Variants in LPAR3 observed in about 807,000 individuals in gnomAD.
LPAR3 encodes the protein LPA receptor 3.
A neutral mutation model predicts 17.8 loss-of-function variants in LPAR3; 7 were observed. The ratio of observed to expected loss-of-function variants is 0.39; its 90% CI spans 0.22 to 0.74. LPAR3 has a LOEUF of 0.74. Ranked by LOEUF, LPAR3 falls within the 30% of genes least tolerant of loss-of-function variation. The pLI is 0.40. For synonymous variants in LPAR3, 179 were observed against 179.9 expected, an observed-to-expected ratio of 0.99 and a Z score of 0.04; for missense variants, 391 against 453.4, an observed-to-expected ratio of 0.86 and a Z score of 1.25.
intron 2 of LPAR3, among the ~76,000 whole-genome samples, chr1:84,842,217 C>T (rs1184684421): frequency 6.6e-6 from 1 of 152,130 alleles, no homozygotes; most frequent in Non-Finnish European, 1.5e-5. Flanking sequence ...CTTGTTTTTG[C>T]AATCAGAAGT....
Position 84,811,640 on chromosome 1 carries a change from T to C in LPAR3, c.*2206A>G, listed in dbSNP as rs1176133286. 1 of 152,200 alleles carries C rather than the reference T, an allele frequency of 6.6e-6. No individual in the cohort carries two copies. The highest frequency in any genetic ancestry group is 2.4e-5 in the African/African-American group (1 of 41,458). The allele number at this position is 152,200 out of a possible 1,614,324, so 9.4% of individuals were successfully genotyped here. ...AATTTTATTTTATAGGTAGCTTCGA[T>C]AAAAGCTTCAGATAGACCCACATAC... On this transcript the variant is annotated 3_prime_UTR_variant, in exon 3 of 3. Coordinates refer to ENST00000370611, the MANE Select transcript of LPAR3 (RefSeq NM_012152.3).
chr1:84,846,197 A>G (rs1659592697), intron 2 of LPAR3, among the ~76,000 whole-genome samples: 1 of 152,162 alleles, frequency 6.6e-6, no homozygotes, highest in Non-Finnish European at 1.5e-5. Flanking sequence ...TTCTCATGTT[A>G]AAAAAAGCCA....
chr1:84,849,464 T>C (rs376336849), intron 2 of LPAR3, among the ~76,000 whole-genome samples: 5 of 151,482 alleles, frequency 3.3e-5, no homozygotes, highest in Admixed American at 2.6e-4. Flanking sequence ...AACTGAGTCA[T>C]GAGGAAGACT....
intron 2 of LPAR3, among the ~76,000 whole-genome samples, chr1:84,827,520 T>C (rs1659185285): frequency 6.6e-6 from 1 of 151,800 alleles, no homozygotes; most frequent in African/African-American, 2.4e-5. Context: ...CACACCTCTG[T>C]CTTTTCTTGA....
At position 84,872,388 on chromosome 1, in the gene LPAR3, C is replaced by T. The variant is rs147179047; in HGVS notation, c.-18-6250G>A. 1.1e-3 allele frequency among the ~76,000 whole-genome samples: 164 copies of T among 152,226 alleles called. 1 individual carries two copies. The highest frequency in any genetic ancestry group is 3.8e-3 in the African/African-American group (158 of 41,532). Reference sequence around the variant, plus strand: ...GGGTTCCCTACCTCCAGAAAAGCAGCTCACCTGAGCAGACCAGTCAGGGTC... The same window carrying T: ...GGGTTCCCTACCTCCAGAAAAGCAGTTCACCTGAGCAGACCAGTCAGGGTC... On this transcript the variant is annotated intron_variant, in intron 1 of 2. Transcript: ENST00000370611.
At position 84,865,591 on chromosome 1, in the gene LPAR3, G is replaced by C. The variant is rs1280766652; in HGVS notation, c.530C>G (p.Ser177Cys). The C allele has an allele frequency of 1.2e-6, 2 of 1,614,238 alleles. No homozygotes were observed. The highest frequency in any genetic ancestry group is 1.3e-5 in the African/African-American group (1 of 75,062). The stretch of plus-strand genomic sequence containing the variant: ...CCTGCTGTAAATGGGGGCCAGGGAA[G>C]AGCAGGCAGAGATGTTGCAGAGGCA... Reference protein sequence around the residue: ...WNCLCNISACSSLAPIYSRSY... With the variant: ...WNCLCNISACCSLAPIYSRSY... The change falls in exon 2 of 3, where the codon TCT becomes TGT. Residue 177 changes from serine (S) to cysteine (C), a missense_variant. By Grantham distance (112) the Ser-to-Cys change is moderately radical. Transcript: ENST00000370611.
chr1:84,840,946 TACAGAAAC>T (rs1659493182), intron 2 of LPAR3, among the ~76,000 whole-genome samples: 1 of 152,190 alleles, frequency 6.6e-6, no homozygotes, highest in African/African-American at 2.4e-5. Context: ...CCAAAGAAGA[TACAGAAAC>T]ACAGAAAAGT....
chr1:84,877,850 C>T (rs1315501395), intron 1 of LPAR3, among the ~76,000 whole-genome samples: 1 of 152,094 alleles, frequency 6.6e-6, no homozygotes, highest in Admixed American at 6.5e-5. Context: ...CCCCTCATGT[C>T]CAGTACAGTG....
chr1:84,857,651 A>C (rs1215806095), intron 2 of LPAR3, among the ~76,000 whole-genome samples: 1 of 152,248 alleles, frequency 6.6e-6, no homozygotes, highest in African/African-American at 2.4e-5. Flanking sequence ...AATGAACTTT[A>C]TAGAAACCAA....
At chr1:84,844,621 A>G (rs1659563802) in intron 2 of LPAR3, among the ~76,000 whole-genome samples, 1 of 152,224 alleles carries the variant, frequency 6.6e-6, no homozygotes, top group Non-Finnish European at 1.5e-5. Context: ...ATAAAATATC[A>G]TCAATCAGTA....
At chr1:84,881,588 T>C (rs1182905045) in intron 1 of LPAR3, among the ~76,000 whole-genome samples, 1 of 152,162 alleles carries the variant, frequency 6.6e-6, no homozygotes, top group East Asian at 1.9e-4. Context: ...CAAGGAATGG[T>C]GACAAAATCA....
At chr1:84,887,138 G>A (rs1339296915) in intron 1 of LPAR3, among the ~76,000 whole-genome samples, 4 of 152,014 alleles carry the variant, frequency 2.6e-5, no homozygotes, top group African/African-American at 9.7e-5. Context: ...GCCAAGGCAG[G>A]TGGATCACTT....
intron 2 of LPAR3, among the ~76,000 whole-genome samples, chr1:84,826,173 GTA>G (rs1211191329): frequency 6.6e-6 from 1 of 150,534 alleles, no homozygotes; most frequent in Non-Finnish European, 1.5e-5. Flanking sequence ...CATATTATAT[GTA>G]TATATATACA....
intron 1 of LPAR3, among the ~76,000 whole-genome samples, chr1:84,884,148 A>G (rs1003515128): frequency 6.6e-5 from 10 of 152,170 alleles, no homozygotes; most frequent in South Asian, 2.1e-4. Context: ...GCCTTTACCT[A>G]TCTAAAAAAG....
In LPAR3 at chr1:84,854,758, C is replaced by A. The variant is rs1416528319; in HGVS notation, c.736+10627G>T. On this transcript the variant is annotated intron_variant, in intron 2 of 2. Transcript: ENST00000370611. ...TAGGTTCACCACTGAGCAGTAAATT[C>A]TCTGACTTGATGAAAACAACGCCTG... Among the ~76,000 whole-genome samples, 4 of 152,206 alleles carry A rather than the reference C, an allele frequency of 2.6e-5. No homozygotes were observed. In the East Asian group the frequency reaches 7.7e-4, roughly 29 times the overall value.
At chr1:84,860,325 C>A (rs1315996247) in intron 2 of LPAR3, among the ~76,000 whole-genome samples, 3 of 152,200 alleles carry the variant, frequency 2.0e-5, no homozygotes, top group Non-Finnish European at 2.9e-5. Flanking sequence ...TACTCTCCTT[C>A]CAAAGAGGAT....
rs1054298672 is a variant in LPAR3, at chr1:84,814,024, T to G, written c.884A>C (p.Tyr295Ser). 1.9e-6 allele frequency: 3 copies of G among 1,613,952 alleles called. No individual in the cohort carries two copies. In the African/African-American group the frequency reaches 4.0e-5, roughly 22 times the overall value. ...GGTGCCATACATGTCCTCGTCCTTG[T>G]AGGAGTAGATGATGGGGTTCACGAC... ...NSVVNPIIYS[Y>S]KDEDMYGTMK... Residue 295 changes from tyrosine (Y) to serine (S), a missense_variant, in exon 3 of 3, where the codon TAC becomes TCC. By Grantham distance (144) the Tyr-to-Ser change is moderately radical. Coordinates refer to ENST00000370611, the MANE Select transcript of LPAR3 (RefSeq NM_012152.3).
At chr1:84,849,204 G>C (rs183072693) in intron 2 of LPAR3, among the ~76,000 whole-genome samples, 1 of 151,776 alleles carries the variant, frequency 6.6e-6, no homozygotes, top group African/African-American at 2.4e-5. Flanking sequence ...GTAAAACTCC[G>C]TCTCTACTAA....
Position 84,813,158 on chromosome 1 carries a change from T to TATATATAGAGAGAGAGAGAGAGAGAG in LPAR3, c.*687_*688insCTCTCTCTCTCTCTCTCTCTATATAT, listed in dbSNP as rs1206774677. The TATATATAGAGAGAGAGAGAGAGAGAG allele has an allele frequency of 9.8e-6, 1 of 101,682 alleles. No individual in the cohort carries two copies. The highest frequency in any genetic ancestry group is 2.1e-5 in the Non-Finnish European group (1 of 47,330). 6.3% of individuals were successfully genotyped at this position (101,682 alleles called of 1,614,324 possible). On this transcript the variant is annotated 3_prime_UTR_variant, in exon 3 of 3. Coordinates refer to ENST00000370611, the MANE Select transcript of LPAR3 (RefSeq NM_012152.3). Reference sequence around the variant, plus strand: ...ATATATATATATATATATATATATATAGACACACACACACACACACACACA... The same window carrying TATATATAGAGAGAGAGAGAGAGAGAG: ...ATATATATATATATATATATATATATATATATAGAGAGAGAGAGAGAGAGAGAGACACACACACACACACACACACA...
Sources: allele counts gnomAD v4.1 joint callset (sites outside exome capture counted in the v4.1 genomes callset), GRCh38; gene constraint gnomAD v4.1.1; transcripts MANE v1.5; gene names NCBI Gene and HGNC (gene_info 2026-07-23, HGNC 2026-07-21).